Variants in CCSER1 observed in about 807,000 individuals in gnomAD.
The protein encoded by CCSER1 is coiled-coil serine rich protein 1, also known as serine-rich coiled-coil domain-containing protein 1.
A neutral mutation model predicts 82.0 loss-of-function variants in CCSER1; 41 were observed. The observed-to-expected ratio is 0.50, with a 90% CI of 0.39 to 0.65. The LOEUF (loss-of-function observed/expected upper bound fraction) is 0.65. Among genes scored for constraint, CCSER1 ranks in the 30% least tolerant of loss-of-function variants. The pLI, the probability that CCSER1 is intolerant of heterozygous loss-of-function variation, is 0.00. For missense variants in CCSER1, 1,119 were observed against 1,064.2 expected, an observed-to-expected ratio of 1.05 and a Z score of -0.72; for synonymous variants, 414 against 383.9, an observed-to-expected ratio of 1.08 and a Z score of -0.92.
intron 10 of CCSER1, among the ~76,000 whole-genome samples, chr4:91,416,685 T>G (rs1410554288): frequency 3.3e-5 from 5 of 152,002 alleles, no homozygotes; most frequent in Non-Finnish European, 5.9e-5. Flanking sequence ...CTTCCTTATA[T>G]CTTATACAAA....
At chr4:90,857,846 T>C (rs538309675) in intron 8 of CCSER1, among the ~76,000 whole-genome samples, 1 of 152,048 alleles carries the variant, frequency 6.6e-6, no homozygotes, top group Non-Finnish European at 1.5e-5. Context: ...TAATAGTGTA[T>C]TGTATTCAGG....
chr4:90,328,647 TAAAC>T (rs1738659436), intron 3 of CCSER1, among the ~76,000 whole-genome samples: 1 of 152,286 alleles, frequency 6.6e-6, no homozygotes, highest in South Asian at 2.1e-4. Flanking sequence ...CAGCATGTAT[TAAAC>T]AATCCAGGAA....
In CCSER1 at chr4:91,104,130, C is replaced by T. The variant is rs115268042; in HGVS notation, c.2217+18136C>T. 4.9e-3 allele frequency among the ~76,000 whole-genome samples: 739 copies of T among 152,216 alleles called. 6 individuals are homozygous for T. The highest frequency in any genetic ancestry group is 0.015 in the African/African-American group (634 of 41,558). On this transcript the variant is annotated intron_variant, in intron 10 of 10. Transcript: ENST00000509176. ...TGCCCTGGTAATTTTGTGGTCAGAT[C>T]GGTTCTCTGCACTTGAACCCTGTTT...
At chr4:91,185,148 G>C (rs141962658) in intron 10 of CCSER1, among the ~76,000 whole-genome samples, 1,530 of 152,270 alleles carry the variant, frequency 0.01, 10 homozygotes, top group African/African-American at 0.025. Context: ...TGCACAGGTA[G>C]GGTGTTTATC....
intron 8 of CCSER1, among the ~76,000 whole-genome samples, chr4:90,903,409 C>T (rs527492245): frequency 5.9e-5 from 9 of 152,136 alleles, no homozygotes; most frequent in East Asian, 5.8e-4. Context: ...CCTCCTCAGC[C>T]GTCTGGATCT....
intron 9 of CCSER1, among the ~76,000 whole-genome samples, chr4:91,082,433 G>A (rs879728847): frequency 6.6e-6 from 1 of 152,144 alleles, no homozygotes; most frequent in Non-Finnish European, 1.5e-5. Flanking sequence ...AGACTTAAAT[G>A]TCAGACCTAA....
chr4:90,622,713 G>A (rs1722549049), intron 5 of CCSER1, among the ~76,000 whole-genome samples: 1 of 152,024 alleles, frequency 6.6e-6, no homozygotes, highest in Admixed American at 6.5e-5. Flanking sequence ...TGTGAATAGT[G>A]CCACAATAAA....
At position 91,180,583 on chromosome 4, in the gene CCSER1, C is replaced by T. The variant is rs1327195957; in HGVS notation, c.2217+94589C>T. ...ACTGCTGTGCTAGTAGTGAGTGAGG[C>T]TCTGTGGGCTTGGGACCATCTGAGC... On this transcript the variant is annotated intron_variant, in intron 10 of 10. Transcript: ENST00000509176. Among the ~76,000 whole-genome samples, 4 of 152,212 alleles carry T rather than the reference C, an allele frequency of 2.6e-5. No individual in the cohort carries two copies. In the South Asian group the frequency reaches 8.3e-4, roughly 31 times the overall value.
In CCSER1 at chr4:90,804,288, A is replaced by G. The variant is rs74758594; in HGVS notation, c.2011-11474A>G. Among the ~76,000 whole-genome samples, 44 of 152,236 alleles carry G rather than the reference A, an allele frequency of 2.9e-4. No homozygotes were observed. The East Asian group carries it at 7.9e-3, about 28-fold the overall frequency. ...TGTTTTAGACATGAAGTCTTTGTCC[A>G]TGCCTATGTCTTGAATGGTATTGCC... On this transcript the variant is annotated intron_variant, in intron 7 of 10. Transcript: ENST00000509176.
intron 8 of CCSER1, among the ~76,000 whole-genome samples, chr4:90,906,598 G>A (rs1451587550): frequency 4.6e-5 from 7 of 151,992 alleles, no homozygotes; most frequent in East Asian, 1.9e-4. Flanking sequence ...CTAAAAAACC[G>A]AATATTTTCT....
chr4:91,583,052 A>ATT (rs938615715), intron 10 of CCSER1, among the ~76,000 whole-genome samples: 1 of 151,386 alleles, frequency 6.6e-6, no homozygotes, highest in African/African-American at 2.4e-5. Flanking sequence ...TATGAAAGCC[A>ATT]TGACTAACAT....
At chr4:90,503,081 T>C (rs10025951) in intron 5 of CCSER1, among the ~76,000 whole-genome samples, 19,610 of 152,168 alleles carry the variant, frequency 0.13, 2,041 homozygotes, top group African/African-American at 0.29. Flanking sequence ...GCAAAAGTCC[T>C]ACAAGTGTCA....
At chr4:90,391,469 TATATATATATATATATACAC>T in intron 3 of CCSER1, among the ~76,000 whole-genome samples, 1 of 92,214 alleles carries the variant, frequency 1.1e-5, no homozygotes, top group African/African-American at 6.0e-5. Flanking sequence ...TATATATATA[TATATATATATATATATACAC>T]ACACACAGTG....
chr4:91,599,389 GAAGAT>G lies in CCSER1; in HGVS notation c.*335_*339del, dbSNP rs2110363325. On this transcript the variant is annotated 3_prime_UTR_variant, in exon 11 of 11. Transcript: ENST00000509176. ...CTTACTGATATGCATTAAGGTTTCA[GAAGAT>G]AATATCAAATAGCAATCTGTTCACT... 1 of 176,708 alleles carries G rather than the reference GAAGAT, an allele frequency of 5.7e-6. No homozygotes were observed. Among genetic ancestry groups the G allele is most frequent in the East Asian group, 1.5e-4 (1 of 6,636 alleles). 10.9% of individuals were successfully genotyped at this position (176,708 alleles called of 1,614,324 possible). A position where few individuals can be genotyped will look rare whatever the true frequency, so the allele number is the denominator to read the frequency against.
chr4:90,586,085 G>A (rs9997680), intron 5 of CCSER1, among the ~76,000 whole-genome samples: 6,599 of 152,224 alleles, frequency 0.043, 373 homozygotes, highest in African/African-American at 0.12. Flanking sequence ...GTTAGGAACC[G>A]GGCTGCACAG....
chr4:90,255,515 C>T (rs1723126167), intron 1 of CCSER1, among the ~76,000 whole-genome samples: 1 of 152,030 alleles, frequency 6.6e-6, no homozygotes, highest in Non-Finnish European at 1.5e-5. Context: ...GATAGTAATT[C>T]TCAAAGCTTA....
At chr4:90,921,875 G>A (rs1317655292) in intron 8 of CCSER1, among the ~76,000 whole-genome samples, 1 of 151,948 alleles carries the variant, frequency 6.6e-6, no homozygotes, top group East Asian at 1.9e-4. Flanking sequence ...TTTCAATGAT[G>A]GACAATGTTA....
chr4:91,296,479 A>ATTT (rs1553921458), intron 10 of CCSER1, among the ~76,000 whole-genome samples: 1 of 105,638 alleles, frequency 9.5e-6, no homozygotes, highest in East Asian at 2.4e-4. Flanking sequence ...ATATATATAT[A>ATTT]TATATATTTT....
chr4:90,967,011 T>G (rs1009294845), intron 9 of CCSER1, among the ~76,000 whole-genome samples: 3 of 152,080 alleles, frequency 2.0e-5, no homozygotes, highest in African/African-American at 7.3e-5. Flanking sequence ...ATTATGAAGC[T>G]AAAATAATCA....
Sources: gnomAD v4.1 joint callset for allele counts (sites outside exome capture counted in the v4.1 genomes callset) on GRCh38, gnomAD v4.1.1 for gene constraint, MANE v1.5 for transcripts, NCBI Gene and HGNC (gene_info 2026-07-23, HGNC 2026-07-21) for gene names.